PAG1: variants seen among roughly 807,000 people sequenced by gnomAD.
PAG1 encodes phosphoprotein associated with glycosphingolipid-enriched microdomains 1.
PAG1 carries 23 observed loss-of-function variants against 31.7 expected under a neutral mutation model. That is an observed-to-expected ratio of 0.73 (90% confidence interval 0.52 to 1.03). The LOEUF (loss-of-function observed/expected upper bound fraction) is 1.03, where lower values mean the gene tolerates loss of function less well. PAG1 is among the 50% of genes least tolerant of loss of function. The pLI is 0.00. For missense variants in PAG1, 473 were observed against 540.7 expected (o/e 0.87, Z 1.24); for synonymous variants, 214 against 210.3 (o/e 1.02, Z -0.15).
intron 2 of PAG1, among the ~76,000 whole-genome samples, chr8:81,060,034 A>G (rs1808892846): frequency 1.3e-5 from 2 of 151,978 alleles, no homozygotes; most frequent in Admixed American, 6.6e-5. Context: ...AAAAAGCCTA[A>G]GTATTTTTTT....
intron 2 of PAG1, among the ~76,000 whole-genome samples, chr8:81,058,861 C>A (rs1373674970): frequency 6.6e-6 from 1 of 152,190 alleles, no homozygotes. Context: ...TATACCATTG[C>A]ATTCCAACCT....
chr8:81,078,473 A>C (rs1443540070), intron 1 of PAG1, among the ~76,000 whole-genome samples: 1 of 152,222 alleles, frequency 6.6e-6, no homozygotes, highest in Non-Finnish European at 1.5e-5. Flanking sequence ...AAAATCATCT[A>C]AGGTTGGAAA....
At chr8:81,046,426 G>A (rs904140854) in intron 2 of PAG1, among the ~76,000 whole-genome samples, 1 of 152,094 alleles carries the variant, frequency 6.6e-6, no homozygotes, top group Non-Finnish European at 1.5e-5. Context: ...TCAATGATAG[G>A]AAAGGCAGCT....
rs112191551 is a variant in PAG1, at chr8:80,985,208, C to T, written c.444G>A (p.Ala148=). Residue 148 remains alanine (A), a synonymous_variant, in exon 7 of 9, where the codon GCG becomes GCA. Coordinates refer to ENST00000220597, the MANE Select transcript of PAG1 (RefSeq NM_018440.4). ...GCCCCTGGTCCCCGTCCACACTTCTCGCCGTGAGCATGGTATCCACTGCGC... is the reference window on the plus strand; with the variant it reads ...GCCCCTGGTCCCCGTCCACACTTCTTGCCGTGAGCATGGTATCCACTGCGC... ...PESAVDTMLT[A]RSVDGDQGLG... is the part of the protein sequence containing the mutation. 28 of 1,613,992 alleles carry T rather than the reference C, an allele frequency of 1.7e-5. No individual in the cohort carries two copies. In the African/African-American group the frequency reaches 2.9e-4, roughly 17 times the overall value.
At chr8:81,051,946 C>A (rs369861552) in intron 2 of PAG1, among the ~76,000 whole-genome samples, 2 of 151,678 alleles carry the variant, frequency 1.3e-5, no homozygotes, top group African/African-American at 4.8e-5. Flanking sequence ...CTGGCTAACA[C>A]GGTGAAACCC....
chr8:81,108,267 T>C (rs976778542), intron 1 of PAG1, among the ~76,000 whole-genome samples: 1 of 152,170 alleles, frequency 6.6e-6, no homozygotes, highest in Non-Finnish European at 1.5e-5. Flanking sequence ...AAAGGGAATA[T>C]CTGTTCTCTG....
intron 1 of PAG1, among the ~76,000 whole-genome samples, chr8:81,097,951 T>C (rs928960296): frequency 6.6e-6 from 1 of 152,242 alleles, no homozygotes; most frequent in African/African-American, 2.4e-5. Flanking sequence ...CTCTGCTCTT[T>C]CCTATAATTT....
intron 4 of PAG1, 141 bp downstream of exon 4, chr8:80,992,962 G>C: frequency 1.6e-6 from 1 of 640,318 alleles, no homozygotes; most frequent in Non-Finnish European, 2.6e-6. Context: ...GCAGCAGAGA[G>C]AAGAGAGTTA....
chr8:81,006,192 C>T (rs1402951915), intron 3 of PAG1, among the ~76,000 whole-genome samples: 1 of 152,186 alleles, frequency 6.6e-6, no homozygotes, highest in Non-Finnish European at 1.5e-5. Context: ...ATCTGCCTGC[C>T]TCAGCCTCCC....
intron 3 of PAG1, among the ~76,000 whole-genome samples, chr8:80,994,247 G>A (rs1215432357): frequency 6.6e-6 from 1 of 152,136 alleles, no homozygotes; most frequent in Non-Finnish European, 1.5e-5. Context: ...TTCTGAGTAT[G>A]TTATGTATTC....
intron 3 of PAG1, among the ~76,000 whole-genome samples, chr8:81,002,097 TGTG>T (rs1278690768): frequency 6.6e-6 from 1 of 152,218 alleles, no homozygotes; most frequent in East Asian, 1.9e-4. Context: ...CTGTGATGGA[TGTG>T]GTGTCTACAG....
intron 3 of PAG1, among the ~76,000 whole-genome samples, chr8:81,004,341 T>G (rs974049523): frequency 6.6e-6 from 1 of 152,220 alleles, no homozygotes; most frequent in African/African-American, 2.4e-5. Context: ...AAAGCTTCTC[T>G]GTTTCTCTTA....
At chr8:80,997,923 G>C (rs1807713172) in intron 3 of PAG1, among the ~76,000 whole-genome samples, 1 of 152,176 alleles carries the variant, frequency 6.6e-6, no homozygotes, top group Non-Finnish European at 1.5e-5. Context: ...ACTACTGTGA[G>C]AACTTGTTGT....
chr8:81,025,140 T>C (rs1808253105), intron 3 of PAG1, among the ~76,000 whole-genome samples: 1 of 151,986 alleles, frequency 6.6e-6, no homozygotes, highest in Admixed American at 6.5e-5. Context: ...TTGCCTCCTA[T>C]GACGGTGGAT....
intron 2 of PAG1, among the ~76,000 whole-genome samples, chr8:81,058,321 A>G (rs1808861289): frequency 1.3e-5 from 2 of 152,230 alleles, no homozygotes; most frequent in African/African-American, 4.8e-5. Flanking sequence ...GAATAAAGCA[A>G]AATTTACTAG....
intron 2 of PAG1, among the ~76,000 whole-genome samples, chr8:81,047,788 T>C (rs1295225106): frequency 6.6e-6 from 1 of 152,252 alleles, no homozygotes; most frequent in African/African-American, 2.4e-5. Flanking sequence ...CAGGAAATTA[T>C]AGGCTCTTTG....
chr8:81,055,759 G>A (rs2130898970), intron 2 of PAG1, among the ~76,000 whole-genome samples: 1 of 152,292 alleles, frequency 6.6e-6, no homozygotes, highest in East Asian at 1.9e-4. Flanking sequence ...CTCTCTGTTT[G>A]TCTGTTATTG....
intron 3 of PAG1, among the ~76,000 whole-genome samples, chr8:81,016,937 A>G (rs1808082662): frequency 6.6e-6 from 1 of 152,202 alleles, no homozygotes; most frequent in East Asian, 1.9e-4. Flanking sequence ...GAGAGGCCAA[A>G]GGAACAGAGC....
chr8:81,013,435 T>C (rs1223693169), intron 3 of PAG1, among the ~76,000 whole-genome samples: 2 of 152,132 alleles, frequency 1.3e-5, no homozygotes, highest in Admixed American at 6.5e-5. Flanking sequence ...TACTCTCCAT[T>C]GTACCCTGCC....
Sources: allele counts gnomAD v4.1 joint callset (sites outside exome capture counted in the v4.1 genomes callset), GRCh38; gene constraint gnomAD v4.1.1; transcripts MANE v1.5; gene names NCBI Gene and HGNC (gene_info 2026-07-23, HGNC 2026-07-21).